Variants in CRYL1 observed in about 807,000 individuals in gnomAD.
The protein encoded by CRYL1 is lambda-crystallin homolog.
In CRYL1, 29 loss-of-function variants were observed where a neutral mutation model predicts 36.6. The ratio of observed to expected loss-of-function variants is 0.79; its 90% CI spans 0.59 to 1.08. The LOEUF (loss-of-function observed/expected upper bound fraction) is 1.08, where lower values mean the gene tolerates loss of function less well. Among genes scored for constraint, CRYL1 ranks in the 50% least tolerant of loss-of-function variants. The pLI, the probability that CRYL1 is intolerant of heterozygous loss-of-function variation, is 0.00. For synonymous variants in CRYL1, 152 were observed against 151.5 expected (o/e 1.00, Z -0.02); for missense variants, 411 against 407.9 (o/e 1.01, Z -0.06).
In CRYL1 at chr13:20,481,334, A is replaced by G. The variant is rs1299725453; in HGVS notation, c.276+8036T>C. Among the ~76,000 whole-genome samples the G allele has an allele frequency of 6.6e-6, 1 of 152,218 alleles. No homozygotes were observed. The highest frequency in any genetic ancestry group is 1.5e-5 in the Non-Finnish European group (1 of 68,028). On this transcript the variant is annotated intron_variant, in intron 3 of 7. Coordinates refer to ENST00000298248, the MANE Select transcript of CRYL1 (RefSeq NM_015974.3). This position sits in a 1 kb window ranked among gnomAD's most constrained non-coding sequence, Gnocchi z 4.1. ...TTACTCTGTGAAAGAAACCAAACTC[A>G]AAAGGCTGCATCATGTATGATTCCA...
chr13:20,457,871 G>A (rs1342307282), intron 3 of CRYL1, among the ~76,000 whole-genome samples: 1 of 152,202 alleles, frequency 6.6e-6, no homozygotes, highest in Non-Finnish European at 1.5e-5. Flanking sequence ...TTCACAGAGG[G>A]TGAAACGGAA....
intron 3 of CRYL1, among the ~76,000 whole-genome samples, chr13:20,457,446 C>A (rs978728277): frequency 6.6e-6 from 1 of 152,126 alleles, no homozygotes; most frequent in Non-Finnish European, 1.5e-5. Context: ...AATGAGACTT[C>A]AAGATTATCC....
intron 3 of CRYL1, among the ~76,000 whole-genome samples, chr13:20,475,108 C>G (rs969815369): frequency 2.6e-5 from 4 of 152,152 alleles, no homozygotes; most frequent in Non-Finnish European, 5.9e-5. Flanking sequence ...GCCTCACAGA[C>G]AGGATGGCCA....
At chr13:20,510,532 A>G (rs1225308770) in intron 2 of CRYL1, among the ~76,000 whole-genome samples, 1 of 151,770 alleles carries the variant, frequency 6.6e-6, no homozygotes, top group Non-Finnish European at 1.5e-5. Context: ...CAGTGGGATT[A>G]TTCTGTGTAA....
chr13:20,427,686 G>GA (rs759371073), intron 5 of CRYL1, among the ~76,000 whole-genome samples: 11 of 136,942 alleles, frequency 8.0e-5, no homozygotes, highest in Admixed American at 1.5e-4. Flanking sequence ...GAGTGAGACT[G>GA]AAAACGGGAA....
intron 3 of CRYL1, among the ~76,000 whole-genome samples, chr13:20,443,785 A>G (rs534515907): frequency 1.3e-5 from 2 of 152,352 alleles, no homozygotes; most frequent in Admixed American, 1.3e-4. Flanking sequence ...TGCTTTACAG[A>G]AAGAAAAAAC....
At chr13:20,489,610 C>A (rs1593481459) in intron 2 of CRYL1, 114 bp from the exon 3 acceptor site, 1 of 1,215,616 alleles carries the variant, frequency 8.2e-7, no homozygotes, top group African/African-American at 1.5e-5. Context: ...CAGTGAGATA[C>A]CACCTCACAC....
rs977123916 is a variant in CRYL1 at position 20,405,811 on chromosome 13, C to G, written c.740-1070G>C. ...AGCCGCACGGGCTAGGCTGACTGTG[C>G]GAGAATGGGGTGCGCCCAGGGGAAA... is the stretch of plus-strand genomic sequence containing the variant. On this transcript the variant is annotated intron_variant, in intron 6 of 7. Coordinates refer to ENST00000298248, the MANE Select transcript of CRYL1 (RefSeq NM_015974.3). The G allele has an allele frequency of 2.0e-5, 3 of 152,334 alleles. No individual in the cohort carries two copies. In the East Asian group the frequency reaches 5.8e-4, roughly 29 times the overall value. The allele number at this position is 152,334 out of a possible 1,614,324, so 9.4% of individuals were successfully genotyped here.
chr13:20,422,855 G>C (rs1208704013), intron 5 of CRYL1, among the ~76,000 whole-genome samples: 1 of 152,182 alleles, frequency 6.6e-6, no homozygotes, highest in African/African-American at 2.4e-5. Context: ...GGATTGCACT[G>C]AATCTGTAGA....
At chr13:20,524,842 T>C (rs1270578280) in intron 1 of CRYL1, among the ~76,000 whole-genome samples, 1 of 151,672 alleles carries the variant, frequency 6.6e-6, no homozygotes, top group East Asian at 1.9e-4. Flanking sequence ...TTGGAAGTGG[T>C]CTCCACACCG....
chr13:20,506,703 C>T (rs1189952758), intron 2 of CRYL1, among the ~76,000 whole-genome samples: 1 of 152,162 alleles, frequency 6.6e-6, no homozygotes, highest in Non-Finnish European at 1.5e-5. Flanking sequence ...GGGATTTTCT[C>T]TTAATTACAA....
At chr13:20,427,188 A>G in intron 5 of CRYL1, 4 of 985,470 alleles carry the variant, frequency 4.1e-6, no homozygotes, top group Non-Finnish European at 4.8e-6. Flanking sequence ...CAATAAGATC[A>G]CGTGACCCAG....
chr13:20,492,727 A>G (rs575940253), intron 2 of CRYL1, among the ~76,000 whole-genome samples: 8 of 152,290 alleles, frequency 5.3e-5, no homozygotes, highest in Admixed American at 5.2e-4. Context: ...CCCATTTGCC[A>G]TGTAAAGTTC....
chr13:20,428,977 A>G (rs1210834912), intron 5 of CRYL1, among the ~76,000 whole-genome samples: 1 of 152,120 alleles, frequency 6.6e-6, no homozygotes, highest in South Asian at 2.1e-4. Context: ...TCAAACTTCA[A>G]CTTGCTTTAT....
chr13:20,468,039 A>G (rs1371982486), intron 3 of CRYL1, among the ~76,000 whole-genome samples: 1 of 152,144 alleles, frequency 6.6e-6, no homozygotes, highest in Non-Finnish European at 1.5e-5. Context: ...GCAGTGGAAC[A>G]GTTTCATCCT....
intron 2 of CRYL1, among the ~76,000 whole-genome samples, chr13:20,508,887 A>AAAAAAAAACAAACAAAAAAG (rs2033860393): frequency 7.9e-6 from 1 of 126,988 alleles, no homozygotes; most frequent in African/African-American, 2.9e-5. Context: ...AAAAAAAAAA[A>AAAAAAAAACAAACAAAAAAG]ACTGACAACA....
intron 6 of CRYL1, among the ~76,000 whole-genome samples, chr13:20,407,123 T>C (rs2031397797): frequency 6.6e-6 from 1 of 150,948 alleles, no homozygotes; most frequent in Non-Finnish European, 1.5e-5. Context: ...AAACTTATCA[T>C]GCTGGAATTC....
chr13:20,424,071 G>A (rs923655875), intron 5 of CRYL1, among the ~76,000 whole-genome samples: 4 of 151,982 alleles, frequency 2.6e-5, no homozygotes, highest in African/African-American at 9.7e-5. Flanking sequence ...GCCCGGCCGG[G>A]AATGGGCTCT....
At chr13:20,483,290 T>C (rs943460685) in intron 3 of CRYL1, among the ~76,000 whole-genome samples, 4 of 152,130 alleles carry the variant, frequency 2.6e-5, no homozygotes, top group African/African-American at 9.7e-5. Flanking sequence ...CACACATGAA[T>C]CCCAAATATG....
Sources: allele counts gnomAD v4.1 joint callset (sites outside exome capture counted in the v4.1 genomes callset), GRCh38; gene constraint gnomAD v4.1.1; non-coding constraint Gnocchi (gnomAD v3.1); transcripts MANE v1.5; gene names NCBI Gene and HGNC (gene_info 2026-07-23, HGNC 2026-07-21).